Variants in RALY observed in about 807,000 individuals in gnomAD.
RALY encodes RALY heterogeneous nuclear ribonucleoprotein.
RALY carries 15 observed loss-of-function variants against 30.7 expected under a neutral mutation model. That is an observed-to-expected ratio of 0.49 (90% CI 0.33 to 0.75). The LOEUF (loss-of-function observed/expected upper bound fraction) is 0.75, where lower values mean the gene tolerates loss of function less well. Ranked by LOEUF, RALY falls within the 30% of genes least tolerant of loss-of-function variation. The pLI is 0.02. For missense variants in RALY, 339 were observed against 414.3 expected (o/e 0.82, Z 1.58); for synonymous variants, 177 against 170.8 (o/e 1.04, Z -0.28).
intron 1 of RALY, among the ~76,000 whole-genome samples, chr20:34,000,661 CT>C (rs1334056362): frequency 2.6e-5 from 4 of 152,194 alleles, no homozygotes; most frequent in Non-Finnish European, 5.9e-5. Flanking sequence ...CCACTGCCCC[CT>C]GTTCTCTATT....
chr20:34,047,039 G>A (rs1490646954), intron 2 of RALY, among the ~76,000 whole-genome samples: 1 of 152,034 alleles, frequency 6.6e-6, no homozygotes, highest in Non-Finnish European at 1.5e-5. Context: ...GGCTGGTTTC[G>A]AACTACTGAC....
At chr20:34,070,574 G>C (rs938617201) in intron 2 of RALY, among the ~76,000 whole-genome samples, 5 of 152,210 alleles carry the variant, frequency 3.3e-5, no homozygotes, top group African/African-American at 4.8e-5. Context: ...AGGTGAATGT[G>C]CTGACTTTCT....
intron 2 of RALY, among the ~76,000 whole-genome samples, chr20:34,036,162 C>T (rs1238288250): frequency 3.3e-5 from 5 of 152,024 alleles, no homozygotes; most frequent in Admixed American, 6.6e-5. Context: ...ATTCCCCTGC[C>T]TAATTGTACC....
chr20:34,055,900 C>T (rs1029797507), intron 2 of RALY, among the ~76,000 whole-genome samples: 30 of 151,988 alleles, frequency 2.0e-4, no homozygotes, highest in Non-Finnish European at 3.7e-4. Context: ...GCAATGTGCC[C>T]AAAAATCTCT....
At chr20:34,023,080 T>C (rs979705518) in intron 1 of RALY, among the ~76,000 whole-genome samples, 2 of 152,164 alleles carry the variant, frequency 1.3e-5, no homozygotes, top group African/African-American at 4.8e-5. Flanking sequence ...GGATGGGCTG[T>C]GTAGTTCAGT....
intron 1 of RALY, among the ~76,000 whole-genome samples, chr20:34,019,172 A>T (rs1425827314): frequency 2.0e-5 from 3 of 152,088 alleles, no homozygotes; most frequent in African/African-American, 7.2e-5. Flanking sequence ...AAAATATTTT[A>T]AAAATTAGCC....
intron 2 of RALY, among the ~76,000 whole-genome samples, chr20:34,067,475 T>C (rs1339965815): frequency 1.3e-5 from 2 of 152,226 alleles, no homozygotes; most frequent in South Asian, 2.1e-4. Flanking sequence ...CAGTGGCTGT[T>C]GTTACTGTGA....
intron 2 of RALY, among the ~76,000 whole-genome samples, chr20:34,066,937 G>A (rs780056579): frequency 7.9e-5 from 12 of 152,180 alleles, no homozygotes; most frequent in Non-Finnish European, 1.2e-4. Flanking sequence ...CAAGGAGAGC[G>A]TGTGTGGCTG....
intron 5 of RALY, 126 bp from the exon 6 acceptor site, chr20:34,075,748 C>A (rs773307984): frequency 9.3e-7 from 1 of 1,073,192 alleles, no homozygotes; most frequent in Non-Finnish European, 1.3e-6. Flanking sequence ...TTGCTAGGAG[C>A]CAGCAGAGGT....
chr20:34,035,078 G>A (rs1173454325), intron 2 of RALY, among the ~76,000 whole-genome samples: 4 of 146,414 alleles, frequency 2.7e-5, no homozygotes, highest in African/African-American at 1.0e-4. Flanking sequence ...GTGTGAACCC[G>A]GGAGGCAGAG....
intron 2 of RALY, among the ~76,000 whole-genome samples, chr20:34,065,851 C>T (rs1353472187): frequency 1.3e-5 from 2 of 152,182 alleles, no homozygotes; most frequent in South Asian, 2.1e-4. Context: ...CAGGACTGAA[C>T]CAAGACAGAG....
intron 2 of RALY, among the ~76,000 whole-genome samples, chr20:34,046,800 C>G (rs1325887610): frequency 6.8e-6 from 1 of 147,858 alleles, no homozygotes; most frequent in Non-Finnish European, 1.5e-5. Flanking sequence ...GGACAAGTCA[C>G]TGGACCTCCA....
chr20:34,052,894 G>A (rs1465985094), intron 2 of RALY, among the ~76,000 whole-genome samples: 2 of 152,108 alleles, frequency 1.3e-5, no homozygotes, highest in African/African-American at 2.4e-5. Context: ...CTCTGTCACC[G>A]TCTCCATCAC....
At chr20:33,998,832 A>G (rs907907094) in intron 1 of RALY, among the ~76,000 whole-genome samples, 4 of 152,006 alleles carry the variant, frequency 2.6e-5, no homozygotes, top group African/African-American at 9.7e-5. Context: ...TGTGTGCAGA[A>G]AAAAGATGGA....
chr20:34,074,602 A>G (rs2033823220), intron 5 of RALY, among the ~76,000 whole-genome samples: 1 of 152,134 alleles, frequency 6.6e-6, no homozygotes, highest in African/African-American at 2.4e-5. Flanking sequence ...TGTAGTGGAA[A>G]GTGTCTTAGC....
At chr20:34,043,715 G>A (rs903204114) in intron 2 of RALY, among the ~76,000 whole-genome samples, 8 of 152,176 alleles carry the variant, frequency 5.3e-5, no homozygotes, top group African/African-American at 1.9e-4. Context: ...CAGTATGAAG[G>A]TTAGGAAGGA....
chr20:34,076,191 A>G, intron 6 of RALY, 151 bp downstream of exon 6: 1 of 1,007,360 alleles, frequency 9.9e-7, no homozygotes, highest in Non-Finnish European at 1.4e-6. Context: ...ATGCATTTCT[A>G]AGAGGAAACA....
At chr20:34,041,446 T>C (rs2032695953) in intron 2 of RALY, among the ~76,000 whole-genome samples, 1 of 152,334 alleles carries the variant, frequency 6.6e-6, no homozygotes, top group African/African-American at 2.4e-5. Context: ...TCCAAATCTT[T>C]AGTCTTGATA....
At chr20:34,029,151 C>T (rs6120482) in intron 1 of RALY, among the ~76,000 whole-genome samples, 2 of 152,100 alleles carry the variant, frequency 1.3e-5, no homozygotes, top group Admixed American at 6.5e-5. Context: ...TAATGTGATC[C>T]TGAACCAAGA....
Sources: gnomAD v4.1 joint callset for allele counts (sites outside exome capture counted in the v4.1 genomes callset) on GRCh38, gnomAD v4.1.1 for gene constraint, MANE v1.5 for transcripts, NCBI Gene and HGNC (gene_info 2026-07-23, HGNC 2026-07-21) for gene names.